The following MSH6 variants were observed in gnomAD, a reference collection of about 807,000 sequenced individuals.
The protein encoded by MSH6 is mutS homolog 6.
Under a neutral mutation model 119.1 loss-of-function variants are expected in MSH6, and 85 were observed. That is an observed-to-expected ratio of 0.71 (90% CI 0.60 to 0.85). The LOEUF is 0.85. Among genes scored for constraint, MSH6 ranks in the 40% least tolerant of loss-of-function variants. The pLI is 0.00. For synonymous variants in MSH6, 830 were observed against 586.9 expected (o/e 1.41, Z -5.99); for missense variants, 2,163 against 1,655.3 (o/e 1.31, Z -5.32).
chr2:47,794,570 C>T (rs576659334), intron 2 of MSH6, among the ~76,000 whole-genome samples: 1 of 152,210 alleles, frequency 6.6e-6, no homozygotes, highest in Admixed American at 6.5e-5. Context: ...CCACGCCCAG[C>T]CCTAAAGTTG....
At chr2:47,784,144 C>T in intron 1 of MSH6, 5 of 993,582 alleles carry the variant, frequency 5.0e-6, no homozygotes, top group Non-Finnish European at 4.8e-6. Flanking sequence ...GAGCTGCGAG[C>T]GCGGGGGGGT....
chr2:47,799,404 T>G lies in MSH6; in HGVS notation c.1421T>G (p.Val474Gly), dbSNP rs1669329899. 1.9e-6 allele frequency: 3 copies of G among 1,614,148 alleles called. No individual in the cohort carries two copies. The highest frequency in any genetic ancestry group is 2.5e-6 in the Non-Finnish European group (3 of 1,180,032). ...TTTGGCCGTTATTCAGATTCCCTGG[T>G]GCAGAAGGGCTATAAAGTAGCACGA... ...IAFGRYSDSL[V>G]QKGYKVARVE... The change falls in exon 4 of 10, where the codon GTG (valine) becomes GGG (glycine). Residue 474 changes from valine (V) to glycine (G), a missense_variant. Physicochemically the swap from Val to Gly is moderately radical, Grantham distance 109 (BLOSUM62 -3). Coordinates refer to ENST00000234420, the MANE Select transcript of MSH6 (RefSeq NM_000179.3).
chr2:47,804,763 A>G (rs1214173207), intron 5 of MSH6, 147 bp from the exon 6 acceptor site: 2 of 713,490 alleles, frequency 2.8e-6, no homozygotes, highest in African/African-American at 1.7e-5. Context: ...ATGTTAGCAA[A>G]TGGATTTCAG....
At chr2:47,789,238 T>C (rs933818570) in intron 1 of MSH6, 1 of 301,662 alleles carries the variant, frequency 3.3e-6, no homozygotes, top group Admixed American at 4.9e-5. Context: ...CTGCTATTTC[T>C]TAACAGCAGA....
rs886056143 is a variant in MSH6, at chr2:47,798,980, A to G, written c.997A>G (p.Thr333Ala). ...ACAAGCAACTAGCATTTCATCAGAA[A>G]CCAAGAATACTTTGAGAGCTTTCTC... is the stretch of plus-strand genomic sequence containing the variant. ...TKQATSISSE[T>A]KNTLRAFSAP... The change falls in exon 4 of 10, where the codon ACC becomes GCC. Residue 333 changes from threonine to alanine, a missense_variant. By Grantham distance (58) the Thr-to-Ala change is moderately conservative. Transcript: ENST00000234420. The G allele has an allele frequency of 6.2e-7, 1 of 1,614,106 alleles. No homozygotes were observed. The highest frequency in any genetic ancestry group is 8.5e-7 in the Non-Finnish European group (1 of 1,180,032).
chr2:47,801,806 A>G (rs892659244), intron 4 of MSH6, among the ~76,000 whole-genome samples: 1 of 151,030 alleles, frequency 6.6e-6, no homozygotes, highest in African/African-American at 2.4e-5. Flanking sequence ...GCCCTGCTTT[A>G]TTTTTTTGGT....
Position 47,798,850 on chromosome 2 carries a change from C to T in MSH6, c.867C>T (p.Gly289=), listed in dbSNP as rs267608047. Residue 289 remains glycine (G), a synonymous_variant, in exon 4 of 10, where the codon GGC becomes GGT. Coordinates refer to ENST00000234420, the MANE Select transcript of MSH6 (RefSeq NM_000179.3). The stretch of plus-strand genomic sequence containing the variant: ...GAGTGGGGGATAGTGAGAGTGAAGG[C>T]CTGAACAGCCCTGTCAAAGTTGCTC... ...SSGVGDSESE[G]LNSPVKVARK... The T allele has an allele frequency of 6.2e-7, 1 of 1,614,084 alleles. No individual in the cohort carries two copies. The highest frequency in any genetic ancestry group is 8.5e-7 in the Non-Finnish European group (1 of 1,180,022).
chr2:47,793,608 A>AAAATAAAT (rs3136299), intron 2 of MSH6, among the ~76,000 whole-genome samples: 1 of 151,148 alleles, frequency 6.6e-6, no homozygotes, highest in African/African-American at 2.4e-5. Flanking sequence ...CTTCATCTCA[A>AAAATAAAT]AAATAAATAA....
In MSH6 at chr2:47,806,553, T is replaced by C. The variant is rs1035009009; in HGVS notation, c.3903T>C (p.Asn1301=). ...CTTGTCCTAAAAGCTATGGCTTTAATGCAGCAAGGCTTGCTAATCTCCCAG... is the reference window on the plus strand; with the variant it reads ...CTTGTCCTAAAAGCTATGGCTTTAACGCAGCAAGGCTTGCTAATCTCCCAG... ...KGACPKSYGF[N]AARLANLPEE... The change falls in exon 9 of 10, where the codon AAT becomes AAC. Residue 1301 remains asparagine, a synonymous_variant. Transcript: ENST00000234420. 1 of 1,613,774 alleles carries C rather than the reference T, an allele frequency of 6.2e-7. No individual in the cohort carries two copies. The highest frequency in any genetic ancestry group is 1.3e-5 in the African/African-American group (1 of 74,904).
Position 47,789,821 on chromosome 2 carries a change from AT to A in MSH6, c.261-1098del, listed in dbSNP as rs926326425. Among the ~76,000 whole-genome samples the A allele has an allele frequency of 2.7e-5, 4 of 149,686 alleles. No individual in the cohort carries two copies. In the East Asian group the frequency reaches 5.8e-4, roughly 22 times the overall value. ...TGTTCAGCTGTATTTTAAATTTTGT[AT>A]TTTTTTTCCTTTTTTTTTGAGACAG... On this transcript the variant is annotated intron_variant, in intron 1 of 9. Coordinates refer to ENST00000234420, the MANE Select transcript of MSH6 (RefSeq NM_000179.3).
chr2:47,803,894 A>T (rs1410066762), intron 5 of MSH6, among the ~76,000 whole-genome samples: 9 of 152,342 alleles, frequency 5.9e-5, no homozygotes, highest in Non-Finnish European at 8.8e-5. Flanking sequence ...ATATGTTAAA[A>T]AGGGGAAGGA....
chr2:47,802,745 T>C (rs961226030), intron 4 of MSH6, among the ~76,000 whole-genome samples: 4 of 151,036 alleles, frequency 2.6e-5, no homozygotes, highest in South Asian at 2.1e-4. Context: ...CAGAATAATA[T>C]ACTTCCTTTT....
intron 1 of MSH6, among the ~76,000 whole-genome samples, chr2:47,787,942 C>T (rs148565374): frequency 1.2e-4 from 18 of 152,074 alleles, no homozygotes; most frequent in Non-Finnish European, 1.3e-4. Flanking sequence ...AGGATTACCA[C>T]GGATAAAATT....
chr2:47,802,336 ATTTT>A (rs1180625534), intron 4 of MSH6, among the ~76,000 whole-genome samples: 1 of 151,524 alleles, frequency 6.6e-6, no homozygotes, highest in Non-Finnish European at 1.5e-5. Flanking sequence ...TATGTTGTAT[ATTTT>A]TTTTAATTTT....
chr2:47,799,386 G>C lies in MSH6; in HGVS notation c.1403G>C (p.Arg468Pro), dbSNP rs41295268. ...HSGFPEIAFGRYSDSLVQKGY... is the reference protein window; with the variant it reads ...HSGFPEIAFGPYSDSLVQKGY... ...GGCTTTCCTGAAATTGCATTTGGCC[G>C]TTATTCAGATTCCCTGGTGCAGAAG... The change falls in exon 4 of 10, where the codon CGT (arginine) becomes CCT (proline). Residue 468 changes from arginine to proline, a missense_variant. Arg to Pro is a moderately radical substitution (Grantham distance 103). Coordinates refer to ENST00000234420, the MANE Select transcript of MSH6 (RefSeq NM_000179.3). The C allele has an allele frequency of 5.6e-6, 9 of 1,614,096 alleles. No homozygotes were observed. Among genetic ancestry groups the C allele is most frequent in the African/African-American group, 1.3e-5 (1 of 75,028 alleles).
intron 5 of MSH6, among the ~76,000 whole-genome samples, chr2:47,804,244 G>A (rs1054670190): frequency 6.6e-6 from 1 of 152,036 alleles, no homozygotes; most frequent in African/African-American, 2.4e-5. Flanking sequence ...CCCAGTAGCT[G>A]GGACTACAGA....
Position 47,799,071 on chromosome 2 carries a change from C to G in MSH6, c.1088C>G (p.Thr363Ser), listed in dbSNP as rs1243909922. 1 of 1,614,146 alleles carries G rather than the reference C, an allele frequency of 6.2e-7. No individual in the cohort carries two copies. The highest frequency in any genetic ancestry group is 8.5e-7 in the Non-Finnish European group (1 of 1,180,026). The part of the protein sequence containing the change: ...SGGGDDSSRP[T>S]VWYHETLEWL... ...GGTGGTGATGACAGTAGTCGCCCTA[C>G]TGTTTGGTATCATGAAACTTTAGAA... The change falls in exon 4 of 10, where the codon ACT becomes AGT. Residue 363 changes from threonine to serine, a missense_variant. Transcript: ENST00000234420.
At chr2:47,793,479 T>G (rs1364613971) in intron 2 of MSH6, among the ~76,000 whole-genome samples, 2 of 150,356 alleles carry the variant, frequency 1.3e-5, no homozygotes, top group Non-Finnish European at 3.0e-5. Flanking sequence ...AATACAAAAA[T>G]AAGCTGAAAT....
In MSH6 at chr2:47,799,669, T is replaced by C. The variant is rs2104360615; in HGVS notation, c.1686T>C (p.Asp562=). ...HTRAYGVCFV[D]TSLGKFFIGQ... is the part of the protein sequence containing the mutation. The stretch of plus-strand genomic sequence containing the variant: ...GTGCATATGGTGTGTGCTTTGTTGA[T>C]ACTTCACTGGGAAAGTTTTTCATAG... Residue 562 remains aspartate (D), a synonymous_variant, in exon 4 of 10, where the codon GAT becomes GAC. Coordinates refer to ENST00000234420, the MANE Select transcript of MSH6 (RefSeq NM_000179.3). 1 of 1,614,216 alleles carries C rather than the reference T, an allele frequency of 6.2e-7. No individual in the cohort carries two copies. Among genetic ancestry groups the C allele is most frequent in the South Asian group, 1.1e-5 (1 of 91,088 alleles).
Sources: gnomAD v4.1 joint callset for allele counts (sites outside exome capture counted in the v4.1 genomes callset) on GRCh38, gnomAD v4.1.1 for gene constraint, MANE v1.5 for transcripts, NCBI Gene and HGNC (gene_info 2026-07-23, HGNC 2026-07-21) for gene names.